The following RAVER2 variants were observed in gnomAD, a reference collection of about 807,000 sequenced individuals.
RAVER2 encodes ribonucleoprotein PTB-binding 2.
Under a neutral mutation model 78.1 loss-of-function variants are expected in RAVER2, and 46 were observed. That is an observed-to-expected ratio of 0.59 (90% CI 0.46 to 0.75). RAVER2 has a LOEUF of 0.75. Ranked by LOEUF, RAVER2 falls within the 30% of genes least tolerant of loss-of-function variation. RAVER2 has a pLI of 0.00. For synonymous variants in RAVER2, 311 were observed against 313.3 expected, an observed-to-expected ratio of 0.99 and a Z score of 0.08; for missense variants, 793 against 837.5, an observed-to-expected ratio of 0.95 and a Z score of 0.66.
At chr1:64,825,054 G>A (rs1049897238) in intron 11 of RAVER2, among the ~76,000 whole-genome samples, 11 of 151,696 alleles carry the variant, frequency 7.3e-5, no homozygotes, top group African/African-American at 2.7e-4. Context: ...TAGCTGAGAG[G>A]CAAATATGAA....
intron 4 of RAVER2, among the ~76,000 whole-genome samples, chr1:64,783,768 G>A (rs1652701758): frequency 6.6e-6 from 1 of 152,130 alleles, no homozygotes; most frequent in Admixed American, 6.5e-5. Context: ...ACATAGGCAT[G>A]GGCAAAGACT....
chr1:64,825,729 A>C (rs1653991141), intron 11 of RAVER2, among the ~76,000 whole-genome samples: 1 of 152,256 alleles, frequency 6.6e-6, no homozygotes, highest in South Asian at 2.1e-4. Flanking sequence ...ACTGGCAGTC[A>C]ACAAATGATA....
intron 9 of RAVER2, among the ~76,000 whole-genome samples, chr1:64,807,742 A>G (rs143459230): frequency 6.6e-6 from 1 of 152,318 alleles, no homozygotes; most frequent in East Asian, 1.9e-4. Context: ...AGTAATTTTA[A>G]TTTGTGTAAA....
chr1:64,745,239 G>A lies in RAVER2; in HGVS notation c.67G>A (p.Gly23Arg). Residue 23 changes from glycine (G) to arginine (R), a missense_variant, in exon 1 of 12, where the codon GGG becomes AGG. Transcript: ENST00000294428. This position sits in a 1 kb window ranked among gnomAD's most constrained non-coding sequence, Gnocchi z 4.3. Reference sequence around the variant, plus strand: ...GGGCCTGGGCAGCGCGGCGGGGCTGGGGCCGGGGCCGGGGCTGCGCGGGCA... The same window carrying A: ...GGGCCTGGGCAGCGCGGCGGGGCTGAGGCCGGGGCCGGGGCTGCGCGGGCA... 2 of 1,134,154 alleles carry A rather than the reference G, an allele frequency of 1.8e-6. No individual in the cohort carries two copies. Among genetic ancestry groups the A allele is most frequent in the Non-Finnish European group, 2.2e-6 (2 of 921,918 alleles). 70.3% of individuals were successfully genotyped at this position (1,134,154 alleles called of 1,614,324 possible). A position where few individuals can be genotyped will look rare whatever the true frequency, so the allele number is the denominator to read the frequency against.
rs1304716449 is a variant in RAVER2, at chr1:64,765,362, A to C, written c.250-3294A>C. ...ACAACAACCTGGAAACAAACCAAAT[A>C]ATCAGTCATAGTAAAATGGATACAT... On this transcript the variant is annotated intron_variant, in intron 1 of 11. Coordinates refer to ENST00000294428, the Ensembl canonical transcript of RAVER2. Among the ~76,000 whole-genome samples, 3 of 152,322 alleles carry C rather than the reference A, an allele frequency of 2.0e-5. No homozygotes were observed. The East Asian group carries it at 5.8e-4, about 29-fold the overall frequency.
At chr1:64,790,468 C>T (rs989970967) in intron 5 of RAVER2, among the ~76,000 whole-genome samples, 10 of 152,182 alleles carry the variant, frequency 6.6e-5, no homozygotes, top group Admixed American at 2.6e-4. Flanking sequence ...GGCCCCAAAG[C>T]GCAAGAGTAG....
At chr1:64,829,663 C>A (rs1205422023) in intron 11 of RAVER2, among the ~76,000 whole-genome samples, 1 of 152,164 alleles carries the variant, frequency 6.6e-6, no homozygotes, top group Non-Finnish European at 1.5e-5. Flanking sequence ...TTCATCTACC[C>A]TCTCACCTGC....
At chr1:64,772,581 AAAGAATGGTTAACTCT>A (rs1652349826) in intron 2 of RAVER2, among the ~76,000 whole-genome samples, 2 of 152,170 alleles carry the variant, frequency 1.3e-5, no homozygotes, top group Admixed American at 6.5e-5. Context: ...ATAAAAAAAT[AAAGAATGGTTAACTCT>A]AAGAGAGGAT....
exon 12 of RAVER2, chr1:64,831,413 A>T (rs983078528): frequency 6.5e-6 from 1 of 153,184 alleles, no homozygotes; most frequent in African/African-American, 2.4e-5. Context: ...TTGCATTTAT[A>T]GATTTTTAGG....
At chr1:64,787,584 C>T (rs1652816515) in intron 4 of RAVER2, among the ~76,000 whole-genome samples, 1 of 152,156 alleles carries the variant, frequency 6.6e-6, no homozygotes, top group Admixed American at 6.5e-5. Context: ...GTGGGAGGAC[C>T]TGAGAAGGTC....
At chr1:64,807,399 T>G (rs747417131) in exon 9 of RAVER2, 1 of 1,614,118 alleles carries the variant, frequency 6.2e-7, no homozygotes, top group African/African-American at 1.3e-5. Flanking sequence ...TTCCAAACCT[T>G]GCTGCTGGAA....
intron 5 of RAVER2, among the ~76,000 whole-genome samples, chr1:64,798,484 C>T (rs868173915): frequency 2.6e-5 from 4 of 151,356 alleles, no homozygotes; most frequent in African/African-American, 9.7e-5. Flanking sequence ...TTCTAGATCC[C>T]TGAGGAATCG....
intron 1 of RAVER2, among the ~76,000 whole-genome samples, chr1:64,764,977 T>C (rs1399484271): frequency 1.3e-5 from 2 of 152,260 alleles, no homozygotes; most frequent in Non-Finnish European, 2.9e-5. Context: ...AACTGGACAC[T>C]GTAGCTAAAT....
At chr1:64,781,539 A>G in exon 4 of RAVER2, 1 of 1,613,872 alleles carries the variant, frequency 6.2e-7, no homozygotes, top group Non-Finnish European at 8.5e-7. Flanking sequence ...AGGGCGAAGT[A>G]CATTAGCAGC....
chr1:64,809,014 G>T (rs1428725926), intron 9 of RAVER2, among the ~76,000 whole-genome samples: 1 of 152,134 alleles, frequency 6.6e-6, no homozygotes, highest in Non-Finnish European at 1.5e-5. Flanking sequence ...CTGTGAAGAA[G>T]AATTCAGGAG....
chr1:64,778,790 T>C (rs1652544301), intron 3 of RAVER2, among the ~76,000 whole-genome samples: 2 of 149,400 alleles, frequency 1.3e-5, no homozygotes, highest in Admixed American at 1.3e-4. Flanking sequence ...CTCCATTTCT[T>C]CCTTCTCCGT....
At chr1:64,784,638 A>C (rs1330937588) in intron 4 of RAVER2, among the ~76,000 whole-genome samples, 1 of 152,162 alleles carries the variant, frequency 6.6e-6, no homozygotes, top group East Asian at 1.9e-4. Flanking sequence ...AGACATTCCC[A>C]CTTCATGCTA....
intron 5 of RAVER2, among the ~76,000 whole-genome samples, chr1:64,795,701 GT>G (rs1284220498): frequency 2.0e-5 from 3 of 151,870 alleles, no homozygotes; most frequent in African/African-American, 7.2e-5. Flanking sequence ...TTTCTAGTAG[GT>G]TTTTGCTGGG....
At chr1:64,820,925 A>C (rs1219350593) in intron 11 of RAVER2, among the ~76,000 whole-genome samples, 2 of 152,194 alleles carry the variant, frequency 1.3e-5, no homozygotes, top group African/African-American at 4.8e-5. Context: ...TATACCCAGT[A>C]ATGGGATTGC....
Sources: gnomAD v4.1 joint callset for allele counts (sites outside exome capture counted in the v4.1 genomes callset) on GRCh38, gnomAD v4.1.1 for gene constraint, Gnocchi (gnomAD v3.1) non-coding constraint, MANE v1.5 for transcripts, NCBI Gene and HGNC (gene_info 2026-07-23, HGNC 2026-07-21) for gene names.